The following DENND1A variants were observed in gnomAD, a reference collection of about 807,000 sequenced individuals.
DENND1A encodes DENN domain-containing protein 1A.
Under a neutral mutation model 113.7 loss-of-function variants are expected in DENND1A, and 51 were observed. The observed-to-expected ratio is 0.45, with a 90% CI of 0.36 to 0.57. DENND1A has a LOEUF of 0.57. Ranked by LOEUF, DENND1A falls within the 20% of genes least tolerant of loss-of-function variation. The pLI, the probability that DENND1A is intolerant of heterozygous loss-of-function variation, is 0.00. For missense variants in DENND1A, 1,258 were observed against 1,395.9 expected, an observed-to-expected ratio of 0.90 and a Z score of 1.57; for synonymous variants, 565 against 570.8, an observed-to-expected ratio of 0.99 and a Z score of 0.14.
chr9:123,461,067 GC>G (rs1396088949), intron 13 of DENND1A, among the ~76,000 whole-genome samples: 1 of 152,152 alleles, frequency 6.6e-6, no homozygotes, highest in Non-Finnish European at 1.5e-5. Flanking sequence ...GTGTCACTTT[GC>G]CTCTGCTCTT....
intron 2 of DENND1A, among the ~76,000 whole-genome samples, chr9:123,829,797 G>C (rs942624361): frequency 6.6e-6 from 1 of 151,992 alleles, no homozygotes; most frequent in African/African-American, 2.4e-5. Context: ...ACCTTTTAAG[G>C]AACAACACAT....
chr9:123,539,104 A>G (rs1327550249), intron 13 of DENND1A, among the ~76,000 whole-genome samples: 1 of 152,086 alleles, frequency 6.6e-6, no homozygotes, highest in East Asian at 1.9e-4. Context: ...TTCAACTCCC[A>G]GTGAATAAAC....
intron 1 of DENND1A, among the ~76,000 whole-genome samples, chr9:123,921,668 ATTCACT>A (rs1428574911): frequency 3.9e-5 from 6 of 152,226 alleles, no homozygotes; most frequent in Admixed American, 1.3e-4. Flanking sequence ...AAGCACACAC[ATTCACT>A]ATGGATCCCT....
intron 2 of DENND1A, among the ~76,000 whole-genome samples, chr9:123,862,560 AC>A (rs919091429): frequency 2.0e-5 from 3 of 152,208 alleles, no homozygotes; most frequent in Admixed American, 2.0e-4. Context: ...ACAGAGCAAA[AC>A]ACTAACACAA....
In DENND1A at chr9:123,860,907, A is replaced by T. The variant is rs139908900; in HGVS notation, c.88+18044T>A. 4.7e-4 allele frequency among the ~76,000 whole-genome samples: 72 copies of T among 152,362 alleles called. 1 individual carries two copies. Among genetic ancestry groups the T allele is most frequent in the African/African-American group, 1.6e-3 (65 of 41,588 alleles). On this transcript the variant is annotated intron_variant, in intron 2 of 23. Transcript: ENST00000394215. ...TCGTAATTAATGTTTTGTGGAAAAC[A>T]TCAATAACATTTACAAAAAGCTCTT...
At chr9:123,382,950 C>T (rs890731530) in intron 23 of DENND1A, among the ~76,000 whole-genome samples, 2 of 152,252 alleles carry the variant, frequency 1.3e-5, no homozygotes, top group African/African-American at 4.8e-5. Context: ...CCCGCAATCA[C>T]CTGTAAGCCC....
At chr9:123,816,748 C>A (rs1283523811) in intron 2 of DENND1A, among the ~76,000 whole-genome samples, 1 of 152,204 alleles carries the variant, frequency 6.6e-6, no homozygotes, top group Non-Finnish European at 1.5e-5. Context: ...AAACTCTGTA[C>A]AACTTTCCAA....
At chr9:123,565,872 T>C (rs987761915) in intron 12 of DENND1A, among the ~76,000 whole-genome samples, 3 of 152,234 alleles carry the variant, frequency 2.0e-5, no homozygotes, top group Non-Finnish European at 2.9e-5. Context: ...CCAGGAATAG[T>C]TTCTGTAAGA....
At chr9:123,853,933 C>T (rs560870866) in intron 2 of DENND1A, among the ~76,000 whole-genome samples, 1 of 152,052 alleles carries the variant, frequency 6.6e-6, no homozygotes, top group Non-Finnish European at 1.5e-5. Context: ...TACAATACAC[C>T]TACTTCTAAG....
intron 13 of DENND1A, among the ~76,000 whole-genome samples, chr9:123,510,437 T>C (rs981622193): frequency 4.6e-5 from 7 of 152,248 alleles, no homozygotes; most frequent in Non-Finnish European, 8.8e-5. Flanking sequence ...GGGAAACATT[T>C]GTGTGGCACT....
intron 5 of DENND1A, among the ~76,000 whole-genome samples, chr9:123,733,537 T>C (rs2068336643): frequency 6.6e-6 from 1 of 152,010 alleles, no homozygotes; most frequent in African/African-American, 2.4e-5. Context: ...TCCTCCCACC[T>C]TGGCCTTCCA....
chr9:123,779,222 C>A (rs1462746055), intron 3 of DENND1A, among the ~76,000 whole-genome samples: 1 of 152,174 alleles, frequency 6.6e-6, no homozygotes, highest in Non-Finnish European at 1.5e-5. Flanking sequence ...GTGCTCTACT[C>A]CCCACTCACT....
chr9:123,400,238 T>C (rs1438760587), intron 21 of DENND1A: 2 of 152,238 alleles, frequency 1.3e-5, no homozygotes, highest in Admixed American at 6.5e-5. Context: ...AAACCTATCA[T>C]TGATTCAGAA....
intron 4 of DENND1A, among the ~76,000 whole-genome samples, chr9:123,767,308 T>C (rs573932863): frequency 6.6e-6 from 1 of 151,864 alleles, no homozygotes; most frequent in African/African-American, 2.4e-5. Flanking sequence ...TCAACACCCA[T>C]AGGGTATGTA....
chr9:123,722,653 C>T (rs1287267309), intron 5 of DENND1A, among the ~76,000 whole-genome samples: 1 of 152,220 alleles, frequency 6.6e-6, no homozygotes, highest in Non-Finnish European at 1.5e-5. Context: ...CAGGCTGTTG[C>T]TTCATAGGGT....
chr9:123,894,386 C>G (rs188556411), intron 1 of DENND1A, among the ~76,000 whole-genome samples: 9 of 152,312 alleles, frequency 5.9e-5, no homozygotes, highest in South Asian at 2.1e-4. Context: ...TCTAAATACA[C>G]ACAGATAATG....
At chr9:123,919,958 A>AG (rs2134144033) in intron 1 of DENND1A, among the ~76,000 whole-genome samples, 1 of 151,972 alleles carries the variant, frequency 6.6e-6, no homozygotes, top group South Asian at 2.1e-4. Flanking sequence ...ACTAGAGAGC[A>AG]GGGGAGGGAG....
intron 9 of DENND1A, among the ~76,000 whole-genome samples, chr9:123,645,569 C>T (rs962975376): frequency 3.4e-4 from 52 of 152,282 alleles, no homozygotes; most frequent in African/African-American, 1.2e-3. Context: ...CCCCAAACTC[C>T]GCAGAACCTC....
At chr9:123,888,956 CTGTGTGTGTGTGTG>C (rs58270598) in intron 1 of DENND1A, among the ~76,000 whole-genome samples, 60 of 131,176 alleles carry the variant, frequency 4.6e-4, no homozygotes, top group Middle Eastern at 3.6e-3. Context: ...GTGCTTTAAA[CTGTGTGTGTGTGTG>C]TGTGTGTGTG....
Sources: allele counts gnomAD v4.1 joint callset (sites outside exome capture counted in the v4.1 genomes callset), GRCh38; gene constraint gnomAD v4.1.1; transcripts MANE v1.5; gene names NCBI Gene and HGNC (gene_info 2026-07-23, HGNC 2026-07-21).